The following MSH4 variants were observed in gnomAD, a reference collection of about 807,000 sequenced individuals.
MSH4 encodes the protein mutS protein homolog 4.
A neutral mutation model predicts 113.7 loss-of-function variants in MSH4; 106 were observed. The ratio of observed to expected loss-of-function variants is 0.93; its 90% CI spans 0.80 to 1.10. The LOEUF (loss-of-function observed/expected upper bound fraction) is 1.10, where lower values mean the gene tolerates loss of function less well. MSH4 is among the 50% of genes least tolerant of loss of function. The pLI is 0.00. For synonymous variants in MSH4, 368 were observed against 380.2 expected, an observed-to-expected ratio of 0.97 and a Z score of 0.37; for missense variants, 1,061 against 1,093.7, an observed-to-expected ratio of 0.97 and a Z score of 0.42.
chr1:75,884,099 A>G (rs1345391000), intron 15 of MSH4, among the ~76,000 whole-genome samples: 1 of 152,202 alleles, frequency 6.6e-6, no homozygotes, highest in Admixed American at 6.6e-5. Context: ...TGCATCAAAT[A>G]TTACTAAATT....
At chr1:75,828,828 G>A (rs1045006954) in intron 7 of MSH4, among the ~76,000 whole-genome samples, 1 of 152,086 alleles carries the variant, frequency 6.6e-6, no homozygotes, top group African/African-American at 2.4e-5. Context: ...GGAAAAGAGA[G>A]GAGGTTCCAA....
chr1:75,822,559 A>G lies in MSH4; in HGVS notation c.1140A>G (p.Glu380=). The part of the protein sequence containing the change: ...DCVQELLQDE[E]LFFGLQSVIS... Reference sequence around the variant, plus strand: ...TTCAAGAACTACTTCAAGATGAGGAACTATTTTTTGGACTTCAATCAGGTA... The same window carrying G: ...TTCAAGAACTACTTCAAGATGAGGAGCTATTTTTTGGACTTCAATCAGGTA... Residue 380 remains glutamate, a synonymous_variant, in exon 7 of 20, where the codon GAA becomes GAG. Coordinates refer to ENST00000263187, the MANE Select transcript of MSH4 (RefSeq NM_002440.4). 1.3e-6 allele frequency: 2 copies of G among 1,529,846 alleles called. No homozygotes were observed. Among genetic ancestry groups the G allele is most frequent in the Non-Finnish European group, 1.7e-6 (2 of 1,146,018 alleles). 94.8% of individuals were successfully genotyped at this position (1,529,846 alleles called of 1,614,324 possible).
intron 7 of MSH4, among the ~76,000 whole-genome samples, chr1:75,829,114 C>T (rs535028998): frequency 6.6e-6 from 1 of 152,306 alleles, no homozygotes; most frequent in South Asian, 2.1e-4. Flanking sequence ...ATGGCCTTAG[C>T]AAACAGCACA....
At chr1:75,834,640 T>C (rs1404240851) in intron 7 of MSH4, among the ~76,000 whole-genome samples, 1 of 152,176 alleles carries the variant, frequency 6.6e-6, no homozygotes, top group South Asian at 2.1e-4. Context: ...GGTACATGGA[T>C]GAAGCTGGAA....
chr1:75,831,860 A>G (rs1338581114), intron 7 of MSH4, among the ~76,000 whole-genome samples: 2 of 152,214 alleles, frequency 1.3e-5, no homozygotes, highest in African/African-American at 2.4e-5. Context: ...ACACCCTAAC[A>G]TCACAATTAA....
chr1:75,850,295 A>G (rs1448388262), intron 8 of MSH4, among the ~76,000 whole-genome samples: 1 of 152,114 alleles, frequency 6.6e-6, no homozygotes, highest in African/African-American at 2.4e-5. Flanking sequence ...TTTTAGTACT[A>G]TAAATTTCTC....
intron 17 of MSH4, among the ~76,000 whole-genome samples, chr1:75,896,621 A>T (rs1430719825): frequency 2.0e-5 from 3 of 151,946 alleles, no homozygotes; most frequent in African/African-American, 7.2e-5. Flanking sequence ...TTACAATATT[A>T]TTTTCTAGTA....
intron 12 of MSH4, 45 bp downstream of exon 12, chr1:75,879,173 G>C: frequency 1.3e-6 from 2 of 1,550,308 alleles, no homozygotes; most frequent in East Asian, 2.3e-5. Context: ...TGATTTTATA[G>C]AATTACATCT....
rs953557700 is a variant in MSH4 at position 75,806,095 on chromosome 1, T to A, written c.428-886T>A. Reference sequence around the variant, plus strand: ...GTGAGATTATCTTTTTCTGTACTTTTGGGCTATATATCTTTAATAATGGTC... The same window carrying A: ...GTGAGATTATCTTTTTCTGTACTTTAGGGCTATATATCTTTAATAATGGTC... On this transcript the variant is annotated intron_variant, in intron 2 of 19. Transcript: ENST00000263187. 4.6e-5 allele frequency among the ~76,000 whole-genome samples: 7 copies of A among 152,194 alleles called. 1 individual carries two copies. Among genetic ancestry groups the A allele is most frequent in the African/African-American group, 1.7e-4 (7 of 41,564 alleles).
At chr1:75,853,253 C>T (rs60459836) in intron 8 of MSH4, among the ~76,000 whole-genome samples, 11,616 of 151,958 alleles carry the variant, frequency 0.076, 614 homozygotes, top group African/African-American at 0.15. Flanking sequence ...TTAGTAGAAA[C>T]GGGGTTTCAC....
intron 7 of MSH4, among the ~76,000 whole-genome samples, chr1:75,835,080 C>T (rs1407599130): frequency 6.6e-6 from 1 of 152,172 alleles, no homozygotes; most frequent in East Asian, 1.9e-4. Flanking sequence ...TGGTTGCTTT[C>T]AGCTTGGTCT....
rs1651901975 is a variant in MSH4 at position 75,880,215 on chromosome 1, A to C, written c.1781+62A>C. 1.7e-5 allele frequency: 15 copies of C among 858,712 alleles called. No homozygotes were observed. The South Asian group carries it at 2.6e-4, about 15-fold the overall frequency. 53.2% of individuals were successfully genotyped at this position (858,712 alleles called of 1,614,324 possible). ...TTGGTTTAATTTGAGAAACTGTTAC[A>C]ATTGTATTAGTTTAATTTTTATCTA... On this transcript the variant is annotated intron_variant, in intron 13 of 19. Coordinates refer to ENST00000263187, the MANE Select transcript of MSH4 (RefSeq NM_002440.4).
At chr1:75,845,054 T>A (rs1246481590) in intron 7 of MSH4, among the ~76,000 whole-genome samples, 2 of 152,234 alleles carry the variant, frequency 1.3e-5, no homozygotes, top group African/African-American at 4.8e-5. Flanking sequence ...TCTGTGATAA[T>A]GGCATTAATC....
intron 15 of MSH4, among the ~76,000 whole-genome samples, chr1:75,888,351 T>C (rs562357326): frequency 6.6e-6 from 1 of 152,132 alleles, no homozygotes; most frequent in African/African-American, 2.4e-5. Context: ...TTTTATTCTA[T>C]ATTGAGACTG....
chr1:75,899,902 G>A (rs559719337), intron 19 of MSH4, among the ~76,000 whole-genome samples, 196 bp downstream of exon 19: 10 of 150,948 alleles, frequency 6.6e-5, no homozygotes, highest in East Asian at 5.8e-4. Flanking sequence ...TATAATCCTC[G>A]CAGCAAATCA....
chr1:75,881,245 G>A lies in MSH4; in HGVS notation c.1782-1G>A. Reference sequence around the variant, plus strand: ...ACATGTCTTACCAAACGTGTTTTCAGGATAGTGTGCAAACTGCTTAGTGAG... The same window carrying A: ...ACATGTCTTACCAAACGTGTTTTCAAGATAGTGTGCAAACTGCTTAGTGAG... On this transcript the variant is annotated splice_acceptor_variant, in intron 13 of 19. Coordinates refer to ENST00000263187, the MANE Select transcript of MSH4 (RefSeq NM_002440.4). LOFTEE classifies it high-confidence loss of function. 1.9e-6 allele frequency: 3 copies of A among 1,594,978 alleles called. No individual in the cohort carries two copies. Among genetic ancestry groups the A allele is most frequent in the South Asian group, 1.1e-5 (1 of 89,544 alleles).
At chr1:75,829,504 C>T (rs1650635192) in intron 7 of MSH4, among the ~76,000 whole-genome samples, 1 of 152,336 alleles carries the variant, frequency 6.6e-6, no homozygotes, top group South Asian at 2.1e-4. Flanking sequence ...GGGGCCATGA[C>T]CCCCAAGTAG....
At chr1:75,869,976 T>G (rs1248409199) in intron 9 of MSH4, among the ~76,000 whole-genome samples, 1 of 152,072 alleles carries the variant, frequency 6.6e-6, no homozygotes, top group Non-Finnish European at 1.5e-5. Flanking sequence ...CCACAGACAC[T>G]CAACACCAGC....
intron 8 of MSH4, among the ~76,000 whole-genome samples, chr1:75,856,255 G>A (rs1366822347): frequency 6.6e-6 from 1 of 151,918 alleles, no homozygotes; most frequent in Non-Finnish European, 1.5e-5. Context: ...GTTTTAAAGG[G>A]TCAATGTTAC....
Sources: allele counts gnomAD v4.1 joint callset (sites outside exome capture counted in the v4.1 genomes callset), GRCh38; gene constraint gnomAD v4.1.1; transcripts MANE v1.5; gene names NCBI Gene and HGNC (gene_info 2026-07-23, HGNC 2026-07-21).